Variants in PLCB1 observed in about 807,000 individuals in gnomAD.
The protein encoded by PLCB1 is phospholipase C beta 1.
A neutral mutation model predicts 161.8 loss-of-function variants in PLCB1; 46 were observed. The observed-to-expected ratio is 0.28, with a 90% confidence interval of 0.22 to 0.36. The LOEUF (loss-of-function observed/expected upper bound fraction) is 0.36, where lower values mean the gene tolerates loss of function less well. Ranked by LOEUF, PLCB1 falls within the 10% of genes least tolerant of loss-of-function variation. The pLI, the probability that PLCB1 is intolerant of heterozygous loss-of-function variation, is 1.00. For synonymous variants in PLCB1, 517 were observed against 503.7 expected, an observed-to-expected ratio of 1.03 and a Z score of -0.35; for missense variants, 1,016 against 1,472.5, an observed-to-expected ratio of 0.69 and a Z score of 5.07.
At chr20:8,523,494 C>A (rs373799789) in intron 3 of PLCB1, among the ~76,000 whole-genome samples, 10,018 of 47,166 alleles carry the variant, frequency 0.21, 1,745 homozygotes, top group African/African-American at 0.37. Flanking sequence ...CTCTCTCTCT[C>A]TCTATATATA....
At chr20:8,289,659 A>G (rs180917292) in intron 2 of PLCB1, among the ~76,000 whole-genome samples, 142 of 152,326 alleles carry the variant, frequency 9.3e-4, no homozygotes, top group Non-Finnish European at 1.7e-3. Context: ...AGATGAAGTT[A>G]TAAGTCAGGT....
At chr20:8,635,676 G>A (rs558662584) in intron 4 of PLCB1, among the ~76,000 whole-genome samples, 12 of 152,266 alleles carry the variant, frequency 7.9e-5, no homozygotes, top group Non-Finnish European at 1.6e-4. Context: ...CCAAATAGTT[G>A]ACACCTTTCA....
chr20:8,660,415 A>C (rs1989590184), intron 9 of PLCB1, among the ~76,000 whole-genome samples: 1 of 152,154 alleles, frequency 6.6e-6, no homozygotes. Context: ...AACACTTCTA[A>C]AAATCAGTTA....
At chr20:8,233,381 G>T (rs4813854) in intron 2 of PLCB1, among the ~76,000 whole-genome samples, 1 of 152,078 alleles carries the variant, frequency 6.6e-6, no homozygotes, top group Non-Finnish European at 1.5e-5. Flanking sequence ...TTTAGTAACA[G>T]TGTACTGTGT....
chr20:8,599,808 C>A (rs1987479159), intron 3 of PLCB1, among the ~76,000 whole-genome samples: 1 of 131,448 alleles, frequency 7.6e-6, no homozygotes, highest in Admixed American at 7.6e-5. Flanking sequence ...TCTTTTTATT[C>A]TTTTTTCTCT....
chr20:8,811,040 A>G (rs1213191120), intron 31 of PLCB1, among the ~76,000 whole-genome samples: 1 of 152,230 alleles, frequency 6.6e-6, no homozygotes, highest in Non-Finnish European at 1.5e-5. Context: ...GGGACCACCT[A>G]TGAGGTAGGA....
intron 2 of PLCB1, among the ~76,000 whole-genome samples, chr20:8,250,441 T>C (rs1981078920): frequency 6.6e-6 from 1 of 151,948 alleles, no homozygotes. Flanking sequence ...TTGGGTTTTG[T>C]GACCTTGTGC....
At chr20:8,344,921 A>T (rs1320653159) in intron 2 of PLCB1, among the ~76,000 whole-genome samples, 1 of 152,230 alleles carries the variant, frequency 6.6e-6, no homozygotes, top group East Asian at 1.9e-4. Context: ...CAATAGATGC[A>T]AATTTGGCAC....
chr20:8,386,943 G>T (rs1426047651), intron 3 of PLCB1, among the ~76,000 whole-genome samples: 1 of 152,186 alleles, frequency 6.6e-6, no homozygotes, highest in South Asian at 2.1e-4. Context: ...CAGCTTTCTA[G>T]CCTCTCTCAG....
chr20:8,417,156 G>A (rs1246106459), intron 3 of PLCB1, among the ~76,000 whole-genome samples: 4 of 123,746 alleles, frequency 3.2e-5, no homozygotes, highest in Non-Finnish European at 6.3e-5. Flanking sequence ...GCGCAATCTC[G>A]GCTCACCACA....
intron 2 of PLCB1, among the ~76,000 whole-genome samples, chr20:8,233,122 C>T (rs918502319): frequency 2.6e-5 from 4 of 152,140 alleles, no homozygotes; most frequent in Admixed American, 6.5e-5. Context: ...ACCTGGGATC[C>T]TACTTATCAC....
In PLCB1 at chr20:8,334,088, A is replaced by G. The variant is rs112539102; in HGVS notation, c.178-37294A>G. On this transcript the variant is annotated intron_variant, in intron 2 of 31. Coordinates refer to ENST00000338037, the MANE Select transcript of PLCB1 (RefSeq NM_015192.4). ...GCCGGGTGTGGTGGTGCATGCCTGTAATCCCAGCTACTTGGGAGGCTGAGG... is the reference window on the plus strand; with the variant it reads ...GCCGGGTGTGGTGGTGCATGCCTGTGATCCCAGCTACTTGGGAGGCTGAGG... 4.6e-3 allele frequency among the ~76,000 whole-genome samples: 702 copies of G among 152,276 alleles called. 6 individuals carry two copies. Among genetic ancestry groups the G allele is most frequent in the African/African-American group, 0.016 (669 of 41,566 alleles).
rs370019343 is a variant in PLCB1, at chr20:8,136,144, C to A, written c.99+3394C>A. ...TATTCCTTCTGTTTCTTCATTCTTACCTTTCAAATTCAGATCTTACTGTGG... is the reference window on the plus strand; with the variant it reads ...TATTCCTTCTGTTTCTTCATTCTTAACTTTCAAATTCAGATCTTACTGTGG... On this transcript the variant is annotated intron_variant, in intron 1 of 31. Transcript: ENST00000338037. Among the ~76,000 whole-genome samples the A allele has an allele frequency of 2.3e-4, 35 of 152,278 alleles. No homozygotes were observed. The East Asian group carries it at 6.4e-3, about 28-fold the overall frequency.
intron 31 of PLCB1, among the ~76,000 whole-genome samples, chr20:8,842,741 A>G (rs958301461): frequency 4.6e-5 from 7 of 152,146 alleles, no homozygotes; most frequent in African/African-American, 1.7e-4. Context: ...GGCTGCATGC[A>G]CCGGTAATCA....
At chr20:8,177,655 T>C (rs80017353) in intron 2 of PLCB1, among the ~76,000 whole-genome samples, 2,021 of 152,214 alleles carry the variant, frequency 0.013, 52 homozygotes, top group African/African-American at 0.046. Context: ...AATTTTACTT[T>C]ACTCATGTTT....
At chr20:8,803,806 TTTTTGAGACATTG>T (rs1984399182) in intron 31 of PLCB1, among the ~76,000 whole-genome samples, 1 of 151,868 alleles carries the variant, frequency 6.6e-6, no homozygotes. Flanking sequence ...TGTTTGTTTG[TTTTTGAGACATTG>T]TTTCGCTCTT....
intron 31 of PLCB1, among the ~76,000 whole-genome samples, chr20:8,879,474 A>G (rs1987897431): frequency 6.6e-6 from 1 of 152,176 alleles, no homozygotes; most frequent in South Asian, 2.1e-4. Context: ...AAACAAATTA[A>G]TATGTCTGCA....
intron 27 of PLCB1, among the ~76,000 whole-genome samples, chr20:8,780,675 G>A (rs767465715): frequency 1.1e-4 from 16 of 152,102 alleles, no homozygotes; most frequent in South Asian, 2.1e-4. Flanking sequence ...GTTTCAGACC[G>A]CAAGCTCTGG....
At chr20:8,192,409 A>G (rs1046939649) in intron 2 of PLCB1, among the ~76,000 whole-genome samples, 1 of 152,038 alleles carries the variant, frequency 6.6e-6, no homozygotes, top group Non-Finnish European at 1.5e-5. Flanking sequence ...AGAACAACAT[A>G]AAGGACAGAT....
Sources: allele counts gnomAD v4.1 joint callset (sites outside exome capture counted in the v4.1 genomes callset), GRCh38; gene constraint gnomAD v4.1.1; transcripts MANE v1.5; gene names NCBI Gene and HGNC (gene_info 2026-07-23, HGNC 2026-07-21).